The following C14orf39 variants were observed in gnomAD, a reference collection of about 807,000 sequenced individuals.
C14orf39 encodes chromosome 14 open reading frame 39, also known as protein SIX6OS1.
Under a neutral mutation model 85.6 loss-of-function variants are expected in C14orf39, and 66 were observed. The ratio of observed to expected loss-of-function variants is 0.77; its 90% confidence interval spans 0.63 to 0.95. C14orf39 has a LOEUF of 0.95. Ranked by LOEUF, C14orf39 falls within the 40% of genes least tolerant of loss-of-function variation. C14orf39 has a pLI of 0.00. For synonymous variants in C14orf39, 242 were observed against 214.0 expected, an observed-to-expected ratio of 1.13 and a Z score of -1.14; for missense variants, 735 against 663.9, an observed-to-expected ratio of 1.11 and a Z score of -1.18.
intron 2 of C14orf39, chr14:60,495,464 G>T (rs116064396): frequency 1.9e-3 from 325 of 171,930 alleles, no homozygotes; most frequent in African/African-American, 7.4e-3. Flanking sequence ...AGATTTTGAG[G>T]TACACCTATG....
chr14:60,496,451 A>G, intron 2 of C14orf39: 1 of 280,766 alleles, frequency 3.6e-6, no homozygotes. Context: ...CTCTGCATCC[A>G]GCTTCTCCTT....
chr14:60,501,667 C>T (rs1451877263), intron 1 of C14orf39, among the ~76,000 whole-genome samples: 1 of 152,200 alleles, frequency 6.6e-6, no homozygotes, highest in African/African-American at 2.4e-5. Context: ...TTCATGTAAG[C>T]TATCTATTGA....
At chr14:60,482,651 G>A (rs1892691539) in intron 4 of C14orf39, among the ~76,000 whole-genome samples, 1 of 152,110 alleles carries the variant, frequency 6.6e-6, no homozygotes, top group African/African-American at 2.4e-5. Context: ...ATATGTGGAA[G>A]TATATCTGTA....
intron 17 of C14orf39, among the ~76,000 whole-genome samples, chr14:60,439,112 T>C (rs1566651857): frequency 2.0e-5 from 3 of 152,212 alleles, no homozygotes; most frequent in African/African-American, 7.2e-5. Context: ...GATATTCCAA[T>C]TACCCTGATT....
Position 60,462,730 on chromosome 14 carries a change from C to T in C14orf39, c.973-1137G>A, listed in dbSNP as rs147044872. Among the ~76,000 whole-genome samples the T allele has an allele frequency of 5.6e-3, 848 of 152,194 alleles. 2 individuals are homozygous for T. Among genetic ancestry groups the T allele is most frequent in the African/African-American group, 0.018 (758 of 41,546 alleles). ...ATGCAGTCCAAAACGGCTCTGACTG[C>T]GGCCCAACACAAATTTGTAAACTTT... On this transcript the variant is annotated intron_variant, in intron 11 of 17. Coordinates refer to ENST00000321731, the MANE Select transcript of C14orf39 (RefSeq NM_174978.3).
At chr14:60,443,873 T>C (rs1199585364) in intron 16 of C14orf39, among the ~76,000 whole-genome samples, 2 of 152,246 alleles carry the variant, frequency 1.3e-5, no homozygotes, top group African/African-American at 4.8e-5. Context: ...TTTACTGTTC[T>C]GCAGCCTCCA....
rs751251124 is a variant in C14orf39 at position 60,461,575 on chromosome 14, C to A, written c.991G>T (p.Val331Leu). ...TGTGAACATTTTGAATGGTTATCCA[C>A]AGCAGAGTCATTAAATATCTGAAAG... ...NDTQIFNDSA[V>L]DNHSKCSHIT... Residue 331 changes from valine to leucine, a missense_variant, in exon 12 of 18, where the codon GTG becomes TTG. Val to Leu is a conservative substitution (Grantham distance 32). Transcript: ENST00000321731. 1.3e-6 allele frequency: 2 copies of A among 1,561,092 alleles called. No homozygotes were observed. The highest frequency in any genetic ancestry group is 1.7e-6 in the Non-Finnish European group (2 of 1,158,868).
chr14:60,440,869 TG>T (rs1414931088), intron 17 of C14orf39, among the ~76,000 whole-genome samples: 1 of 152,128 alleles, frequency 6.6e-6, no homozygotes, highest in Non-Finnish European at 1.5e-5. Flanking sequence ...GCCCTTTGCT[TG>T]GAACACTTTT....
chr14:60,501,009 GTA>G lies in C14orf39; in HGVS notation c.-143-1581_-143-1580del, dbSNP rs145441158. The stretch of plus-strand genomic sequence containing the variant: ...GAGAGGAATGTGTGTGTACATGTAG[GTA>G]TGTGTGTGTGTGTGTAAGTGTGAGT... On this transcript the variant is annotated intron_variant, in intron 1 of 5. Coordinates refer to the C14orf39 transcript ENST00000556799. Among the ~76,000 whole-genome samples the G allele has an allele frequency of 7.0e-3, 1,068 of 152,166 alleles. 13 individuals carry two copies. The highest frequency in any genetic ancestry group is 0.024 in the African/African-American group (992 of 41,528).
At chr14:60,466,184 C>T (rs372810732) in intron 10 of C14orf39, 129 bp from the exon 11 acceptor site, 22 of 426,832 alleles carry the variant, frequency 5.2e-5, no homozygotes, top group African/African-American at 8.3e-5. Flanking sequence ...AATTAAAATA[C>T]GGAATTATGA....
intron 14 of C14orf39, among the ~76,000 whole-genome samples, chr14:60,458,321 C>A (rs1891371334): frequency 6.6e-6 from 1 of 151,888 alleles, no homozygotes; most frequent in Admixed American, 6.6e-5. Context: ...TATCCTGTAT[C>A]ATCTTGAAAC....
intron 1 of C14orf39, chr14:60,510,101 A>C (rs1893268186): frequency 1.2e-6 from 1 of 817,336 alleles, no homozygotes; most frequent in Non-Finnish European, 2.0e-6. Context: ...GTCTTGGGTT[A>C]AGAGCCCTGC....
At chr14:60,471,317 C>T (rs1470714388) in intron 7 of C14orf39, 100 bp downstream of exon 7, 2 of 963,706 alleles carry the variant, frequency 2.1e-6, no homozygotes, top group East Asian at 2.8e-5. Flanking sequence ...AAACACAAAA[C>T]AAATCCATGT....
At chr14:60,505,312 G>A (rs1490107086) in intron 1 of C14orf39, among the ~76,000 whole-genome samples, 2 of 152,094 alleles carry the variant, frequency 1.3e-5, no homozygotes, top group African/African-American at 2.4e-5. Flanking sequence ...AAATCTGAAG[G>A]TCTGTACTAC....
Position 60,484,947 on chromosome 14 carries a change from A to G in C14orf39, c.50-10T>C, listed in dbSNP as rs1167385477. The G allele has an allele frequency of 3.8e-6, 6 of 1,575,044 alleles. No homozygotes were observed. The highest frequency in any genetic ancestry group is 5.2e-6 in the Non-Finnish European group (6 of 1,160,684). The stretch of plus-strand genomic sequence containing the variant: ...TGCTCATACTGGAAGACTAAAATAA[A>G]TAATTATCTTGTGACTTCAATTCAT... On this transcript the variant is annotated splice_polypyrimidine_tract_variant and intron_variant, in intron 2 of 17. Transcript: ENST00000321731. The surrounding 1 kb of genome is among the most constrained non-coding windows in gnomAD (Gnocchi z 4.2).
At chr14:60,477,883 A>C (rs1354707395) in intron 5 of C14orf39, among the ~76,000 whole-genome samples, 3 of 152,094 alleles carry the variant, frequency 2.0e-5, no homozygotes, top group Non-Finnish European at 2.9e-5. Flanking sequence ...CATTTACTTA[A>C]AAACAAAAAC....
intron 1 of C14orf39, chr14:60,511,534 C>A: frequency 1.8e-6 from 1 of 561,788 alleles, no homozygotes; most frequent in African/African-American, 1.9e-5. Flanking sequence ...AAGTCTCCTT[C>A]GGAACCCGAA....
rs531803800 is a variant in C14orf39 at position 60,448,161 on chromosome 14, A to C, written c.1504-6030T>G. Reference sequence around the variant, plus strand: ...AGGACTTCATGACCAAAACACCAAAAGCAATGGCAACAAAAGCCAAAATAG... The same window carrying C: ...AGGACTTCATGACCAAAACACCAAACGCAATGGCAACAAAAGCCAAAATAG... On this transcript the variant is annotated intron_variant, in intron 16 of 17. Coordinates refer to ENST00000321731, the MANE Select transcript of C14orf39 (RefSeq NM_174978.3). Among the ~76,000 whole-genome samples, 71 of 152,342 alleles carry C rather than the reference A, an allele frequency of 4.7e-4. 1 individual carries two copies. In the Middle Eastern group the frequency reaches 0.02, roughly 44 times the overall value.
Position 60,509,533 on chromosome 14 carries a change from G to C in C14orf39, c.-144+5862C>G, listed in dbSNP as rs988434661. 8.7e-6 allele frequency: 14 copies of C among 1,609,006 alleles called. No individual in the cohort carries two copies. The Admixed American group carries it at 1.0e-4, about 11-fold the overall frequency. On this transcript the variant is annotated intron_variant, in intron 1 of 5. Coordinates refer to the C14orf39 transcript ENST00000556799. ...TGCCCGTGGCCCCTGCGGCCTGCGA[G>C]GCCCTCAACAAGAATGAGTCGGTGC... is the stretch of plus-strand genomic sequence containing the variant.
Sources: allele counts gnomAD v4.1 joint callset (sites outside exome capture counted in the v4.1 genomes callset), GRCh38; gene constraint gnomAD v4.1.1; non-coding constraint Gnocchi (gnomAD v3.1); transcripts MANE v1.5; gene names NCBI Gene and HGNC (gene_info 2026-07-23, HGNC 2026-07-21).